Variants in LDB2 observed in about 807,000 individuals in gnomAD.
The protein encoded by LDB2 is LIM domain-binding protein 2.
A neutral mutation model predicts 44.3 loss-of-function variants in LDB2; 12 were observed. That is an observed-to-expected ratio of 0.27 (90% CI 0.17 to 0.44). The LOEUF (loss-of-function observed/expected upper bound fraction) is 0.44. Ranked by LOEUF, LDB2 falls within the 20% of genes least tolerant of loss-of-function variation. The pLI, the probability that LDB2 is intolerant of heterozygous loss-of-function variation, is 1.00. For missense variants in LDB2, 344 were observed against 473.5 expected (o/e 0.73, Z 2.54); for synonymous variants, 164 against 174.8 (o/e 0.94, Z 0.49).
chr4:16,576,051 T>G (rs1748163472), intron 5 of LDB2, among the ~76,000 whole-genome samples: 1 of 152,306 alleles, frequency 6.6e-6, no homozygotes, highest in East Asian at 1.9e-4. Context: ...AAACAAATGA[T>G]AATAGAAACA....
At chr4:16,563,163 A>G (rs1743053249) in intron 5 of LDB2, among the ~76,000 whole-genome samples, 1 of 151,820 alleles carries the variant, frequency 6.6e-6, no homozygotes, top group South Asian at 2.1e-4. Flanking sequence ...ACATGTATAC[A>G]TATGTAACTA....
At chr4:16,661,030 T>A (rs1468890807) in intron 2 of LDB2, among the ~76,000 whole-genome samples, 1 of 152,224 alleles carries the variant, frequency 6.6e-6, no homozygotes, top group Non-Finnish European at 1.5e-5. Flanking sequence ...AGACTTTTGA[T>A]TATAAAGCCA....
At chr4:16,719,340 T>C (rs925326812) in intron 2 of LDB2, among the ~76,000 whole-genome samples, 4 of 152,154 alleles carry the variant, frequency 2.6e-5, no homozygotes, top group African/African-American at 9.7e-5. Flanking sequence ...AGAGCCATGA[T>C]AAGCTCATTA....
intron 2 of LDB2, among the ~76,000 whole-genome samples, chr4:16,656,807 G>A (rs1460221290): frequency 6.6e-6 from 1 of 152,034 alleles, no homozygotes; most frequent in Non-Finnish European, 1.5e-5. Context: ...TTTAATATAT[G>A]ATGGAAACAG....
chr4:16,508,496 C>A, intron 7 of LDB2, 39 bp downstream of exon 7: 3 of 1,470,700 alleles, frequency 2.0e-6, no homozygotes, highest in South Asian at 3.0e-5. Context: ...AGGAAGCAGA[C>A]AGTTAGGATT....
intron 2 of LDB2, among the ~76,000 whole-genome samples, chr4:16,621,619 C>T (rs1034387487): frequency 6.6e-6 from 1 of 152,142 alleles, no homozygotes; most frequent in African/African-American, 2.4e-5. Flanking sequence ...GAGGTGCAAT[C>T]ATAGTTCACT....
intron 7 of LDB2, chr4:16,503,084 T>C (rs1217793564): frequency 6.5e-7 from 1 of 1,537,452 alleles, no homozygotes; most frequent in South Asian, 1.2e-5. Context: ...CGCGAGTTTA[T>C]GTCCTTAGTG....
intron 1 of LDB2, chr4:16,893,076 G>A: frequency 2.1e-6 from 2 of 972,714 alleles, no homozygotes; most frequent in Non-Finnish European, 2.4e-6. Context: ...CTTACAATTG[G>A]TTTTCTGAGG....
intron 1 of LDB2, among the ~76,000 whole-genome samples, chr4:16,853,989 G>A (rs753823185): frequency 5.3e-5 from 8 of 152,110 alleles, no homozygotes; most frequent in South Asian, 2.1e-4. Context: ...GGGGGTGAGC[G>A]GGGAGGAAAT....
intron 2 of LDB2, among the ~76,000 whole-genome samples, chr4:16,641,125 T>C (rs779497380): frequency 2.7e-4 from 41 of 152,058 alleles, no homozygotes; most frequent in Non-Finnish European, 4.4e-4. Flanking sequence ...AGTTTGGCAG[T>C]AGAGGAGAAG....
intron 5 of LDB2, among the ~76,000 whole-genome samples, chr4:16,571,716 A>T (rs1746595559): frequency 6.6e-6 from 1 of 152,208 alleles, no homozygotes; most frequent in Non-Finnish European, 1.5e-5. Context: ...AATGAAGCCA[A>T]CTTTGTGCCT....
chr4:16,502,972 A>T, intron 7 of LDB2, 99 bp from the exon 8 acceptor site: 3 of 1,597,950 alleles, frequency 1.9e-6, no homozygotes, highest in Non-Finnish European at 2.6e-6. Context: ...GGACAGACAC[A>T]CTCGTGTACT....
In LDB2 at chr4:16,804,267, T is replaced by C. The variant is rs148258748; in HGVS notation, c.133-45007A>G. Reference sequence around the variant, plus strand: ...GGCTAGGTACATATTTTTATACAATTAGATTTTGTGTTTATATTACATATA... The same window carrying C: ...GGCTAGGTACATATTTTTATACAATCAGATTTTGTGTTTATATTACATATA... On this transcript the variant is annotated intron_variant, in intron 1 of 7. Coordinates refer to ENST00000304523, the MANE Select transcript of LDB2 (RefSeq NM_001290.5). Among the ~76,000 whole-genome samples, 197 of 152,170 alleles carry C rather than the reference T, an allele frequency of 1.3e-3. 1 individual carries two copies. The highest frequency in any genetic ancestry group is 4.6e-3 in the African/African-American group (191 of 41,496).
intron 5 of LDB2, among the ~76,000 whole-genome samples, chr4:16,573,398 G>T (rs753873082): frequency 1.3e-5 from 2 of 152,150 alleles, no homozygotes; most frequent in Non-Finnish European, 2.9e-5. Context: ...GATAAACCTT[G>T]AATTGGTCTA....
intron 2 of LDB2, among the ~76,000 whole-genome samples, chr4:16,727,494 C>T (rs894610530): frequency 4.6e-5 from 7 of 151,946 alleles, no homozygotes; most frequent in Admixed American, 4.6e-4. Context: ...TGGGAAGACT[C>T]GAGCATGGGG....
chr4:16,555,874 C>T (rs1739385430), intron 5 of LDB2, among the ~76,000 whole-genome samples: 1 of 152,202 alleles, frequency 6.6e-6, no homozygotes. Flanking sequence ...TCACCCCTGT[C>T]CAATTCAATC....
At chr4:16,669,899 G>A (rs1313686125) in intron 2 of LDB2, among the ~76,000 whole-genome samples, 2 of 152,202 alleles carry the variant, frequency 1.3e-5, no homozygotes, top group Non-Finnish European at 2.9e-5. Flanking sequence ...ACTCGTTGGA[G>A]GTCCATCTCA....
chr4:16,609,617 C>T (rs941521307), intron 2 of LDB2, among the ~76,000 whole-genome samples: 24 of 152,176 alleles, frequency 1.6e-4, no homozygotes, highest in African/African-American at 5.1e-4. Flanking sequence ...AGGCCCAACC[C>T]TGACCTATCC....
At chr4:16,734,636 C>T (rs981656530) in intron 2 of LDB2, among the ~76,000 whole-genome samples, 1 of 152,052 alleles carries the variant, frequency 6.6e-6, no homozygotes, top group Non-Finnish European at 1.5e-5. Flanking sequence ...GGCCGAGGCC[C>T]TGTCTTGCCC....
Sources: gnomAD v4.1 joint callset for allele counts (sites outside exome capture counted in the v4.1 genomes callset) on GRCh38, gnomAD v4.1.1 for gene constraint, MANE v1.5 for transcripts, NCBI Gene and HGNC (gene_info 2026-07-23, HGNC 2026-07-21) for gene names.